The following CNKSR2 variants were observed in gnomAD, a reference collection of about 807,000 sequenced individuals.
The protein encoded by CNKSR2 is CNK homolog protein 2.
A neutral mutation model predicts 84.4 loss-of-function variants in CNKSR2; 14 were observed. That is an observed-to-expected ratio of 0.17 (90% confidence interval 0.11 to 0.26). CNKSR2 has a LOEUF of 0.26. Ranked by LOEUF, CNKSR2 falls within the 10% of genes least tolerant of loss-of-function variation. CNKSR2 has a pLI of 1.00. For missense variants in CNKSR2, 485 were observed against 771.2 expected (o/e 0.63, Z 4.40); for synonymous variants, 275 against 277.9 (o/e 0.99, Z 0.10).
intron 11 of CNKSR2, among the ~76,000 whole-genome samples, chrX:21,555,591 G>T (rs185940552): frequency 1.8e-5 from 2 of 111,196 alleles, no homozygotes; most frequent in Non-Finnish European, 3.8e-5. Context: ...TTTCTGTCTG[G>T]TATGTGGGGT....
At chrX:21,593,170 T>A (rs2092431100) in intron 15 of CNKSR2, 1 of 111,786 alleles carries the variant, frequency 8.9e-6, no homozygotes, top group Admixed American at 9.6e-5. Flanking sequence ...TTGTTCAAAA[T>A]TTTAAATATT....
chrX:21,539,757 C>T (rs1210423304), intron 11 of CNKSR2, among the ~76,000 whole-genome samples: 1 of 110,612 alleles, frequency 9.0e-6, no homozygotes, highest in Non-Finnish European at 1.9e-5. Flanking sequence ...CATATGATAT[C>T]TTTGTCTATA....
At chrX:21,513,377 T>A (rs1403766678) in intron 8 of CNKSR2, among the ~76,000 whole-genome samples, 1 of 111,886 alleles carries the variant, frequency 8.9e-6, no homozygotes, top group Non-Finnish European at 1.9e-5. Flanking sequence ...CTAATCTTTG[T>A]CATCTATTTT....
In CNKSR2 at chrX:21,560,241, G is replaced by C. The variant is rs112149751; in HGVS notation, c.1304-1230G>C. 8.8e-3 allele frequency among the ~76,000 whole-genome samples: 972 copies of C among 110,963 alleles called. 8 individuals are homozygous for C. Among genetic ancestry groups the C allele is most frequent in the African/African-American group, 0.029 (880 of 30,604 alleles). On this transcript the variant is annotated intron_variant, in intron 11 of 21. Coordinates refer to ENST00000379510, the MANE Select transcript of CNKSR2 (RefSeq NM_014927.5). Reference sequence around the variant, plus strand: ...TTGCTGATGAGACTAAGCATATGACGACAGGAATGAGTGTGAGAGAGAACC... The same window carrying C: ...TTGCTGATGAGACTAAGCATATGACCACAGGAATGAGTGTGAGAGAGAACC...
At chrX:21,466,911 C>T (rs941623770) in intron 4 of CNKSR2, among the ~76,000 whole-genome samples, 2 of 111,524 alleles carry the variant, frequency 1.8e-5, no homozygotes, top group African/African-American at 6.5e-5. Context: ...TGCATCCTCA[C>T]CCTTTGTGGA....
intron 13 of CNKSR2, among the ~76,000 whole-genome samples, chrX:21,580,623 A>G (rs780615993): frequency 4.5e-5 from 5 of 111,932 alleles, no homozygotes; most frequent in Admixed American, 2.8e-4. Context: ...TTTTCAGTAA[A>G]TATGATTCAG....
At chrX:21,505,588 A>G (rs1242094267) in intron 8 of CNKSR2, 3 of 111,423 alleles carry the variant, frequency 2.7e-5, no homozygotes, top group African/African-American at 6.5e-5. Flanking sequence ...AACTTCCTCT[A>G]ACTTCATTTA....
At chrX:21,416,875 A>G (rs2090429602) in intron 1 of CNKSR2, among the ~76,000 whole-genome samples, 1 of 111,009 alleles carries the variant, frequency 9.0e-6, no homozygotes, top group Non-Finnish European at 1.9e-5. Flanking sequence ...CAAAATGCGA[A>G]TTTTTTGTTT....
intron 11 of CNKSR2, among the ~76,000 whole-genome samples, chrX:21,557,241 A>C (rs1187611105): frequency 9.0e-6 from 1 of 111,136 alleles, no homozygotes; most frequent in Non-Finnish European, 1.9e-5. Flanking sequence ...TTGTATTAAA[A>C]TACAGTAATT....
intron 11 of CNKSR2, among the ~76,000 whole-genome samples, chrX:21,545,117 A>G (rs2092012599): frequency 9.0e-6 from 1 of 111,620 alleles, no homozygotes; most frequent in Non-Finnish European, 1.9e-5. Context: ...GACAGAGCCC[A>G]GCAAGTTAAG....
chrX:21,602,972 A>G (rs2092492348), intron 18 of CNKSR2, among the ~76,000 whole-genome samples: 1 of 112,144 alleles, frequency 8.9e-6, no homozygotes, highest in Non-Finnish European at 1.9e-5. Context: ...ATTACTTGGC[A>G]TTACTACGAA....
chrX:21,443,061 G>A lies in CNKSR2; in HGVS notation c.519+2280G>A, dbSNP rs149779378. 4.0e-3 allele frequency among the ~76,000 whole-genome samples: 439 copies of A among 110,436 alleles called. 3 individuals are homozygous for A. Among genetic ancestry groups the A allele is most frequent in the African/African-American group, 0.013 (407 of 30,405 alleles). On this transcript the variant is annotated intron_variant, in intron 4 of 21. Coordinates refer to ENST00000379510, the MANE Select transcript of CNKSR2 (RefSeq NM_014927.5). The stretch of plus-strand genomic sequence containing the variant: ...ACCTTTCGGGTACTATGCTCATTAC[G>A]TATGTGATAAAATCTGTACAGCAAA...
chrX:21,614,406 T>G (rs2092566808), intron 20 of CNKSR2, among the ~76,000 whole-genome samples: 1 of 111,585 alleles, frequency 9.0e-6, no homozygotes, highest in Non-Finnish European at 1.9e-5. Context: ...AAGAGCATAA[T>G]CATCATTAAT....
At chrX:21,501,656 G>T in intron 8 of CNKSR2, 68 bp downstream of exon 8, 1 of 534,586 alleles carries the variant, frequency 1.9e-6, no homozygotes, top group East Asian at 3.9e-5. Flanking sequence ...TTAAAAGAAT[G>T]CCAATGAAAT....
At chrX:21,650,150 C>G (rs1212332992) in intron 21 of CNKSR2, among the ~76,000 whole-genome samples, 1 of 111,105 alleles carries the variant, frequency 9.0e-6, no homozygotes, top group African/African-American at 3.3e-5. Context: ...GCACTGTTCA[C>G]AATAGCAAAG....
Position 21,563,418 on chromosome X carries a change from T to C in CNKSR2, c.1574T>C (p.Met525Thr), listed in dbSNP as rs1162605966. The C allele has an allele frequency of 8.3e-7, 1 of 1,209,789 alleles. No homozygotes were observed. Among genetic ancestry groups the C allele is most frequent in the Non-Finnish European group, 1.1e-6 (1 of 893,886 alleles). Residue 525 changes from methionine to threonine, a missense_variant, in exon 13 of 22, where the codon ATG becomes ACG. Coordinates refer to ENST00000379510, the MANE Select transcript of CNKSR2 (RefSeq NM_014927.5). ...ATGGATGCACTGAGACAAGACATCATGGGCACTCCTGTGCCAGAGACCACA... is the reference window on the plus strand; with the variant it reads ...ATGGATGCACTGAGACAAGACATCACGGGCACTCCTGTGCCAGAGACCACA... ...LQMDALRQDI[M>T]GTPVPETTLY...
chrX:21,410,581 G>T (rs1256709979), intron 1 of CNKSR2, among the ~76,000 whole-genome samples: 1 of 111,388 alleles, frequency 9.0e-6, no homozygotes. Flanking sequence ...AATGGCTGTT[G>T]TACGAATGTA....
At chrX:21,471,165 A>G (rs1189631019) in intron 5 of CNKSR2, among the ~76,000 whole-genome samples, 1 of 112,025 alleles carries the variant, frequency 8.9e-6, no homozygotes, top group Admixed American at 9.5e-5. Flanking sequence ...ATTCATCTCT[A>G]TCATCATTTG....
At chrX:21,541,417 A>G (rs149411616) in intron 11 of CNKSR2, among the ~76,000 whole-genome samples, 101 of 112,449 alleles carry the variant, frequency 9.0e-4, no homozygotes, top group African/African-American at 3.2e-3. Context: ...CAAATACAGT[A>G]TGGACTGACA....
Sources: gnomAD v4.1 joint callset for allele counts (sites outside exome capture counted in the v4.1 genomes callset) on GRCh38, gnomAD v4.1.1 for gene constraint, MANE v1.5 for transcripts, NCBI Gene and HGNC (gene_info 2026-07-23, HGNC 2026-07-21) for gene names.